COL22A1: variants seen among roughly 807,000 people sequenced by gnomAD.
COL22A1 encodes the protein collagen alpha-1(XXII) chain.
Under a neutral mutation model 248.9 loss-of-function variants are expected in COL22A1, and 221 were observed. The observed-to-expected ratio is 0.89, with a 90% CI of 0.80 to 0.99. COL22A1 has a LOEUF of 0.99. COL22A1 is among the 50% of genes least tolerant of loss of function. The pLI is 0.00. For missense variants in COL22A1, 2,240 were observed against 2,179.0 expected, an observed-to-expected ratio of 1.03 and a Z score of -0.56; for synonymous variants, 891 against 793.4, an observed-to-expected ratio of 1.12 and a Z score of -2.07.
chr8:138,745,299 C>T (rs1267512347), intron 22 of COL22A1, among the ~76,000 whole-genome samples: 1 of 152,010 alleles, frequency 6.6e-6, no homozygotes. Context: ...ACCACATTCT[C>T]TTCTCCAAAA....
intron 59 of COL22A1, among the ~76,000 whole-genome samples, chr8:138,603,851 C>T (rs1298328838): frequency 6.6e-6 from 1 of 152,182 alleles, no homozygotes; most frequent in Non-Finnish European, 1.5e-5. Context: ...GCGTCTTCCT[C>T]ATTCAAGGGG....
intron 3 of COL22A1, among the ~76,000 whole-genome samples, chr8:138,848,535 T>C (rs1430270504): frequency 6.6e-6 from 1 of 152,110 alleles, no homozygotes; most frequent in Non-Finnish European, 1.5e-5. Context: ...GCGTCTGATG[T>C]CCTCGTGCTC....
rs145291368 is a variant in COL22A1, at chr8:138,685,246, G to A, written c.2929C>T (p.Leu977Phe). Residue 977 changes from leucine to phenylalanine, a missense_variant, in exon 38 of 65, where the codon CTC becomes TTC. Transcript: ENST00000303045. ...TTCCCTTTTCCGGGTGGCCCAGGGA[G>A]CCCAGGAGCACCAGGATCTCCCCTG... is the stretch of plus-strand genomic sequence containing the variant. ...GPRGDPGAPG[L>F]PGPPGKGKDG... 413 of 1,613,730 alleles carry A rather than the reference G, an allele frequency of 2.6e-4. 1 individual carries two copies. In the African/African-American group the frequency reaches 4.9e-3, roughly 19 times the overall value.
chr8:138,698,092 G>A (rs1174658193), intron 32 of COL22A1, among the ~76,000 whole-genome samples: 1 of 152,216 alleles, frequency 6.6e-6, no homozygotes, highest in East Asian at 1.9e-4. Flanking sequence ...TTTAAGGAGA[G>A]GCTGGACATG....
chr8:138,833,933 T>A (rs1820241028), intron 4 of COL22A1, among the ~76,000 whole-genome samples: 1 of 152,152 alleles, frequency 6.6e-6, no homozygotes, highest in Non-Finnish European at 1.5e-5. Context: ...TGGGTAGAGC[T>A]CTGTGATAAT....
intron 23 of COL22A1, among the ~76,000 whole-genome samples, chr8:138,735,126 A>C (rs958987841): frequency 1.3e-5 from 2 of 152,212 alleles, no homozygotes; most frequent in African/African-American, 4.8e-5. Flanking sequence ...TGGTACATGC[A>C]TACCTACGTA....
intron 18 of COL22A1, 87 bp downstream of exon 18, chr8:138,760,156 T>A: frequency 8.6e-7 from 1 of 1,165,722 alleles, no homozygotes; most frequent in Non-Finnish European, 1.2e-6. Context: ...CCCAGGCCCC[T>A]TCCCTGAGCC....
chr8:138,655,880 TTA>T lies in COL22A1; in HGVS notation c.3333+15_3333+16del. The stretch of plus-strand genomic sequence containing the variant: ...CACCATTTTCAAAACACATGCGCAT[TTA>T]TTGTATGCTTTTACCTTAGCCAAGA... On this transcript the variant is annotated intron_variant, in intron 45 of 64. Transcript: ENST00000303045. 6.2e-7 allele frequency: 1 copy of T among 1,600,052 alleles called. No homozygotes were observed. Among genetic ancestry groups the T allele is most frequent in the Non-Finnish European group, 8.6e-7 (1 of 1,167,660 alleles).
chr8:138,753,375 T>C (rs1021965569), intron 21 of COL22A1, among the ~76,000 whole-genome samples: 1 of 152,204 alleles, frequency 6.6e-6, no homozygotes, highest in Non-Finnish European at 1.5e-5. Context: ...TTAGGCTGTT[T>C]GCTTTTTGAA....
At chr8:138,908,527 T>C (rs1815197029) in intron 1 of COL22A1, among the ~76,000 whole-genome samples, 1 of 152,250 alleles carries the variant, frequency 6.6e-6, no homozygotes, top group South Asian at 2.1e-4. Context: ...TCTGTAATTT[T>C]TGTTAAGAGC....
chr8:138,767,013 C>T (rs542194879), intron 16 of COL22A1, among the ~76,000 whole-genome samples: 33 of 152,296 alleles, frequency 2.2e-4, no homozygotes, highest in South Asian at 8.3e-4. Flanking sequence ...GGTGGTTAAC[C>T]GCACGACTCA....
chr8:138,596,749 C>G (rs1288770685), intron 62 of COL22A1, among the ~76,000 whole-genome samples, 155 bp downstream of exon 62: 1 of 152,188 alleles, frequency 6.6e-6, no homozygotes, highest in Non-Finnish European at 1.5e-5. Flanking sequence ...AAGGACAGAA[C>G]AGTCTTCAGG....
chr8:138,841,328 C>T (rs1820866609), intron 4 of COL22A1, among the ~76,000 whole-genome samples: 1 of 152,138 alleles, frequency 6.6e-6, no homozygotes, highest in Non-Finnish European at 1.5e-5. Flanking sequence ...GGGAGGTAGA[C>T]AGGGACGCAA....
chr8:138,645,711 A>G (rs1017437220), intron 47 of COL22A1, among the ~76,000 whole-genome samples: 3 of 152,214 alleles, frequency 2.0e-5, no homozygotes, highest in Non-Finnish European at 4.4e-5. Flanking sequence ...CACAGCTGAG[A>G]TGGAATTCTA....
chr8:138,606,588 G>T, intron 57 of COL22A1, 136 bp from the exon 58 acceptor site: 1 of 829,356 alleles, frequency 1.2e-6, no homozygotes, highest in Admixed American at 2.2e-5. Context: ...TGATGGAGGG[G>T]CATGGGTTAG....
intron 3 of COL22A1, among the ~76,000 whole-genome samples, chr8:138,856,223 TG>T (rs1821996658): frequency 1.3e-5 from 2 of 152,236 alleles, no homozygotes; most frequent in Admixed American, 1.3e-4. Context: ...GCCGCATTGC[TG>T]CACCTGTGTG....
chr8:138,731,832 C>G (rs1563681638), intron 23 of COL22A1, among the ~76,000 whole-genome samples: 1 of 152,144 alleles, frequency 6.6e-6, no homozygotes. Context: ...ACTTCAGCAT[C>G]TTCCATGGCC....
chr8:138,807,986 G>A (rs1817872302), intron 9 of COL22A1, among the ~76,000 whole-genome samples, 174 bp from the exon 10 acceptor site: 1 of 152,210 alleles, frequency 6.6e-6, no homozygotes, highest in Non-Finnish European at 1.5e-5. Flanking sequence ...CTCTGCTCTT[G>A]AACTGCAAAC....
intron 61 of COL22A1, among the ~76,000 whole-genome samples, chr8:138,598,477 C>CA (rs992115376): frequency 6.6e-6 from 1 of 152,220 alleles, no homozygotes; most frequent in African/African-American, 2.4e-5. Context: ...TATTTTTGAG[C>CA]ATTTCTTAAG....
Sources: gnomAD v4.1 joint callset for allele counts (sites outside exome capture counted in the v4.1 genomes callset) on GRCh38, gnomAD v4.1.1 for gene constraint, MANE v1.5 for transcripts, NCBI Gene and HGNC (gene_info 2026-07-23, HGNC 2026-07-21) for gene names.